The following C1orf21 variants were observed in gnomAD, a reference collection of about 807,000 sequenced individuals.
C1orf21 encodes uncharacterized protein C1orf21.
Under a neutral mutation model 18.7 loss-of-function variants are expected in C1orf21, and 3 were observed. The observed-to-expected ratio is 0.16, with a 90% CI of 0.07 to 0.42. C1orf21 has a LOEUF of 0.42. Among genes scored for constraint, C1orf21 ranks in the 10% least tolerant of loss-of-function variants. The pLI is 0.99. For synonymous variants in C1orf21, 41 were observed against 46.4 expected, an observed-to-expected ratio of 0.88 and a Z score of 0.47; for missense variants, 104 against 143.6, an observed-to-expected ratio of 0.72 and a Z score of 1.41.
intron 2 of C1orf21, among the ~76,000 whole-genome samples, chr1:184,487,904 A>G (rs754160513): frequency 2.0e-5 from 3 of 152,208 alleles, no homozygotes; most frequent in Non-Finnish European, 4.4e-5. Context: ...AAATCTTAGC[A>G]TAGTACTTGG....
chr1:184,547,586 G>T (rs1658744466), intron 3 of C1orf21, among the ~76,000 whole-genome samples: 1 of 152,106 alleles, frequency 6.6e-6, no homozygotes, highest in Non-Finnish European at 1.5e-5. Flanking sequence ...GTACACGTGT[G>T]CACGCACATG....
chr1:184,387,121 T>C lies in C1orf21; in HGVS notation c.-372T>C, dbSNP rs1274986382. 6.6e-6 allele frequency: 1 copy of C among 151,360 alleles called. No homozygotes were observed. The highest frequency in any genetic ancestry group is 1.5e-5 in the Non-Finnish European group (1 of 67,822). 9.4% of individuals were successfully genotyped at this position (151,360 alleles called of 1,614,324 possible). A position where few individuals can be genotyped will look rare whatever the true frequency, so the allele number is the denominator to read the frequency against. On this transcript the variant is annotated 5_prime_UTR_variant, in exon 1 of 6. Transcript: ENST00000235307. The surrounding 1 kb of genome is among the most constrained non-coding windows in gnomAD (Gnocchi z 5.6). ...GGCCGCTGCTTCTTTCACACTTTAG[T>C]TGGGAGCTGCGCGCCGCGCTCAGTT...
In C1orf21 at chr1:184,555,587, C is replaced by T. The variant is rs147788109; in HGVS notation, c.190-35152C>T. ...CTGTCACACACATATGCACAAACAC[C>T]TGTTACCTTCTTTACCCAGACCCTT... On this transcript the variant is annotated intron_variant, in intron 3 of 5. Transcript: ENST00000235307. Among the ~76,000 whole-genome samples the T allele has an allele frequency of 7.5e-3, 1,148 of 152,174 alleles. 6 individuals carry two copies. The highest frequency in any genetic ancestry group is 0.021 in the Middle Eastern group (6 of 292).
At chr1:184,508,258 T>A (rs755444921) in intron 3 of C1orf21, among the ~76,000 whole-genome samples, 5 of 152,290 alleles carry the variant, frequency 3.3e-5, no homozygotes, top group Non-Finnish European at 7.4e-5. Context: ...TGAGTAGGAA[T>A]CAGTATACAC....
intron 5 of C1orf21, among the ~76,000 whole-genome samples, chr1:184,613,063 T>A (rs1431847899): frequency 1.3e-5 from 2 of 152,076 alleles, no homozygotes; most frequent in African/African-American, 4.8e-5. Flanking sequence ...TGATCTGCAG[T>A]CTCAGCCTCC....
chr1:184,439,239 C>CT, intron 1 of C1orf21, among the ~76,000 whole-genome samples: 1 of 152,054 alleles, frequency 6.6e-6, no homozygotes, highest in South Asian at 2.1e-4. Context: ...CAAAACAAAA[C>CT]TGTTCTTTTT....
intron 1 of C1orf21, among the ~76,000 whole-genome samples, chr1:184,396,219 A>AT (rs1557961327): frequency 6.6e-6 from 1 of 152,210 alleles, no homozygotes; most frequent in Non-Finnish European, 1.5e-5. Context: ...TCACTGAAAG[A>AT]TTATAAAGAG....
intron 5 of C1orf21, among the ~76,000 whole-genome samples, chr1:184,603,220 G>A (rs1659607961): frequency 6.6e-6 from 1 of 152,206 alleles, no homozygotes; most frequent in African/African-American, 2.4e-5. Context: ...CCTAGCTGGC[G>A]ACCCTATCCA....
chr1:184,488,692 C>T, intron 2 of C1orf21, among the ~76,000 whole-genome samples: 1 of 152,220 alleles, frequency 6.6e-6, no homozygotes, highest in African/African-American at 2.4e-5. Flanking sequence ...AGGCTGGGCA[C>T]AGTGGCTCAC....
intron 3 of C1orf21, among the ~76,000 whole-genome samples, chr1:184,532,003 T>A (rs1184716387): frequency 6.6e-6 from 1 of 152,196 alleles, no homozygotes; most frequent in Non-Finnish European, 1.5e-5. Context: ...TGGTATACAT[T>A]TGATTAATTG....
In C1orf21 at chr1:184,503,538, A is replaced by G. The variant is rs116504891; in HGVS notation, c.95-4050A>G. ...TCTACATCCCTGCATCGCTTAGTACAGAGCCCAGCACATAGGTACTCAGAC... is the reference window on the plus strand; with the variant it reads ...TCTACATCCCTGCATCGCTTAGTACGGAGCCCAGCACATAGGTACTCAGAC... On this transcript the variant is annotated intron_variant, in intron 2 of 5. Coordinates refer to ENST00000235307, the MANE Select transcript of C1orf21 (RefSeq NM_030806.4). 8.8e-3 allele frequency among the ~76,000 whole-genome samples: 1,346 copies of G among 152,242 alleles called. 20 individuals are homozygous for G. The highest frequency in any genetic ancestry group is 0.03 in the African/African-American group (1,239 of 41,564).
In C1orf21 at chr1:184,486,927, C is replaced by G. The variant is rs184381079; in HGVS notation, c.94+9324C>G. Among the ~76,000 whole-genome samples the G allele has an allele frequency of 2.3e-3, 347 of 152,324 alleles. 1 individual carries two copies. Among genetic ancestry groups the G allele is most frequent in the African/African-American group, 7.7e-3 (319 of 41,578 alleles). ...GGTTTTCTTCAATTACTCCCTTGCC[C>G]CTTCAAGTGCTTGTATTGTCTGTAG... On this transcript the variant is annotated intron_variant, in intron 2 of 5. Transcript: ENST00000235307.
chr1:184,563,546 G>A (rs1357096087), intron 3 of C1orf21, among the ~76,000 whole-genome samples: 1 of 152,194 alleles, frequency 6.6e-6, no homozygotes, highest in Non-Finnish European at 1.5e-5. Flanking sequence ...AGACTAGAAA[G>A]CAAATTCTAG....
At chr1:184,479,195 A>G (rs1049486151) in intron 2 of C1orf21, among the ~76,000 whole-genome samples, 1 of 152,200 alleles carries the variant, frequency 6.6e-6, no homozygotes, top group African/African-American at 2.4e-5. Context: ...TAATAAAACT[A>G]CAGTCCAGAT....
intron 3 of C1orf21, among the ~76,000 whole-genome samples, chr1:184,518,825 C>T (rs1658265957): frequency 6.6e-6 from 1 of 152,058 alleles, no homozygotes; most frequent in Admixed American, 6.6e-5. Context: ...GATAGATAAA[C>T]ATACTGTGAG....
At chr1:184,483,634 G>C (rs767141515) in intron 2 of C1orf21, among the ~76,000 whole-genome samples, 4 of 152,132 alleles carry the variant, frequency 2.6e-5, no homozygotes, top group Non-Finnish European at 5.9e-5. Context: ...AGTTTAGGCT[G>C]TGACAGCCCA....
intron 3 of C1orf21, among the ~76,000 whole-genome samples, chr1:184,586,016 T>A (rs1158040096): frequency 6.6e-6 from 1 of 152,214 alleles, no homozygotes; most frequent in Non-Finnish European, 1.5e-5. Flanking sequence ...ATGGTAGTTC[T>A]ATTTTTAGAT....
At chr1:184,413,399 A>T (rs1656389664) in intron 1 of C1orf21, among the ~76,000 whole-genome samples, 1 of 152,236 alleles carries the variant, frequency 6.6e-6, no homozygotes, top group Admixed American at 6.5e-5. Flanking sequence ...ATCTCATAGT[A>T]TTAAGGATGA....
chr1:184,583,153 G>A (rs1659300487), intron 3 of C1orf21, among the ~76,000 whole-genome samples: 2 of 152,074 alleles, frequency 1.3e-5, no homozygotes, highest in South Asian at 4.2e-4. Flanking sequence ...ATGTTTTAAA[G>A]AAGATCCTCT....
Sources: allele counts gnomAD v4.1 joint callset (sites outside exome capture counted in the v4.1 genomes callset), GRCh38; gene constraint gnomAD v4.1.1; non-coding constraint Gnocchi (gnomAD v3.1); transcripts MANE v1.5; gene names NCBI Gene and HGNC (gene_info 2026-07-23, HGNC 2026-07-21).